The following PAK3 variants were observed in gnomAD, a reference collection of about 807,000 sequenced individuals.
PAK3 encodes the protein serine/threonine-protein kinase PAK 3.
In PAK3, 4 loss-of-function variants were observed where a neutral mutation model predicts 41.0. The ratio of observed to expected loss-of-function variants is 0.10; its 90% CI spans 0.05 to 0.22. PAK3 has a LOEUF of 0.22. Among genes scored for constraint, PAK3 ranks in the 10% least tolerant of loss-of-function variants. The pLI is 1.00. For synonymous variants in PAK3, 146 were observed against 139.6 expected, an observed-to-expected ratio of 1.05 and a Z score of -0.32; for missense variants, 205 against 409.9, an observed-to-expected ratio of 0.50 and a Z score of 4.32.
At position 111,221,664 on chromosome X, in the gene PAK3, CTG is replaced by C. The variant is rs983628415; in HGVS notation, c.*1219_*1220del. 1.8e-5 allele frequency: 2 copies of C among 111,816 alleles called. No individual in the cohort carries two copies. The highest frequency in any genetic ancestry group is 3.8e-5 in the Non-Finnish European group (2 of 53,074). The allele number at this position is 111,816 out of a possible 1,213,427, so 9.2% of individuals were successfully genotyped here. A position where few individuals can be genotyped will look rare whatever the true frequency, so the allele number is the denominator to read the frequency against. On this transcript the variant is annotated 3_prime_UTR_variant, in exon 18 of 18. Coordinates refer to ENST00000372007, the MANE Select transcript of PAK3 (RefSeq NM_002578.5). ...AAGGTGATATAGTAAACATTCAACT[CTG>C]TAAGAAATGGGAGGTCAGTGAAGGC...
intron 4 of PAK3, among the ~76,000 whole-genome samples, chrX:111,106,295 C>A (rs1482419968): frequency 8.9e-6 from 1 of 112,221 alleles, no homozygotes; most frequent in African/African-American, 3.2e-5. Flanking sequence ...TTCATGCTAG[C>A]ACATACCACA....
chrX:111,023,763 G>A (rs2092228266), intron 1 of PAK3, among the ~76,000 whole-genome samples: 2 of 111,797 alleles, frequency 1.8e-5, no homozygotes, highest in Admixed American at 1.9e-4. Context: ...TTGTAAATGT[G>A]TTTAAATTCT....
Position 111,081,598 on chromosome X carries a change from C to T in PAK3, c.-27-41479C>T, listed in dbSNP as rs1373717237. 9.9e-5 allele frequency among the ~76,000 whole-genome samples: 11 copies of T among 110,832 alleles called. No individual in the cohort carries two copies. The Admixed American group carries it at 1.1e-3, about 11-fold the overall frequency. ...AATTGCTAAGACAGTAGATTTTTAA[C>T]TGTTCTTACTATAAAAAAAAGATAA... On this transcript the variant is annotated intron_variant, in intron 1 of 14. Coordinates refer to the PAK3 transcript ENST00000425146.
intron 11 of PAK3, among the ~76,000 whole-genome samples, chrX:111,182,224 G>A (rs906308644): frequency 3.6e-5 from 4 of 111,053 alleles, no homozygotes; most frequent in African/African-American, 1.3e-4. Context: ...TAATGTTGGA[G>A]TGAGTAGCCG....
chrX:111,102,659 C>G (rs188761075), intron 3 of PAK3, among the ~76,000 whole-genome samples: 104 of 112,621 alleles, frequency 9.2e-4, no homozygotes, highest in African/African-American at 3.2e-3. Flanking sequence ...CATTGTCTCT[C>G]AGTTTCCTTT....
intron 8 of PAK3, among the ~76,000 whole-genome samples, chrX:111,154,048 GT>G (rs770559561): frequency 5.4e-5 from 6 of 111,958 alleles, no homozygotes; most frequent in Admixed American, 9.5e-5. Flanking sequence ...TCTCAAAAGG[GT>G]ATATACTGTA....
intron 1 of PAK3, among the ~76,000 whole-genome samples, chrX:111,018,103 C>CAT (rs2092118547): frequency 1.8e-5 from 2 of 110,511 alleles, no homozygotes; most frequent in Non-Finnish European, 3.8e-5. Flanking sequence ...ATAATAAGGC[C>CAT]ATATATGAAA....
intron 1 of PAK3, among the ~76,000 whole-genome samples, chrX:111,008,445 G>T (rs1200770962): frequency 8.9e-6 from 1 of 112,909 alleles, no homozygotes; most frequent in Non-Finnish European, 1.9e-5. Context: ...GCCTCCTCCA[G>T]TAGACCCTCT....
At chrX:110,973,681 A>C (rs1263473848) in intron 1 of PAK3, among the ~76,000 whole-genome samples, 2 of 112,196 alleles carry the variant, frequency 1.8e-5, no homozygotes, top group Non-Finnish European at 3.8e-5. Flanking sequence ...ACCAGCGAAC[A>C]TCATAATGAC....
At chrX:111,148,272 T>C (rs148216796) in intron 7 of PAK3, among the ~76,000 whole-genome samples, 1,762 of 111,934 alleles carry the variant, frequency 0.016, 24 homozygotes, top group African/African-American at 0.054. Flanking sequence ...GATTCATTGA[T>C]TTACACCATG....
At chrX:111,038,385 C>T (rs2092420893) in intron 1 of PAK3, among the ~76,000 whole-genome samples, 2 of 112,165 alleles carry the variant, frequency 1.8e-5, no homozygotes, top group African/African-American at 6.5e-5. Context: ...ATCCTCTGCT[C>T]ACCTGGGCTG....
intron 1 of PAK3, among the ~76,000 whole-genome samples, chrX:111,053,306 C>T (rs184295736): frequency 8.3e-4 from 93 of 111,411 alleles, no homozygotes; most frequent in Non-Finnish European, 1.6e-3. Flanking sequence ...TTTTTGTCAG[C>T]TTGCTACCAG....
At chrX:111,153,517 C>A (rs980120200) in intron 8 of PAK3, among the ~76,000 whole-genome samples, 4 of 111,908 alleles carry the variant, frequency 3.6e-5, no homozygotes, top group African/African-American at 1.3e-4. Flanking sequence ...TTACTTCCTG[C>A]CTCATTTGTT....
At chrX:111,108,070 GTATGAGGC>G (rs2093306203) in intron 4 of PAK3, among the ~76,000 whole-genome samples, 1 of 112,139 alleles carries the variant, frequency 8.9e-6, no homozygotes, top group Non-Finnish European at 1.9e-5. Flanking sequence ...TGAAACAGTA[GTATGAGGC>G]AACAGTCTGG....
chrX:110,948,876 G>A (rs919487398), intron 1 of PAK3, among the ~76,000 whole-genome samples: 1 of 112,522 alleles, frequency 8.9e-6, no homozygotes, highest in African/African-American at 3.2e-5. Flanking sequence ...CCAGAGTGAA[G>A]TTATTCGCTG....
intron 1 of PAK3, among the ~76,000 whole-genome samples, chrX:111,004,242 G>C (rs186206120): frequency 8.9e-6 from 1 of 111,837 alleles, no homozygotes; most frequent in East Asian, 2.8e-4. Flanking sequence ...GAAGGCAGGG[G>C]ATATGCGTAG....
intron 1 of PAK3, among the ~76,000 whole-genome samples, chrX:111,083,317 A>G (rs951163609): frequency 1.4e-4 from 16 of 112,087 alleles, no homozygotes; most frequent in Non-Finnish European, 2.6e-4. Flanking sequence ...GTTGGCTCAC[A>G]TTTCCTAAGT....
intron 11 of PAK3, among the ~76,000 whole-genome samples, chrX:111,187,137 AG>A (rs1310381496): frequency 8.9e-6 from 1 of 112,315 alleles, no homozygotes; most frequent in African/African-American, 3.2e-5. Context: ...TGCTAATTAA[AG>A]CTTTTAATCA....
Position 111,123,131 on chromosome X carries a change from A to G in PAK3, c.28A>G (p.Lys10Glu). MSDGLDNEE[K>E]PPAPPLRMNS... is the part of the protein sequence containing the mutation. ...GTCTGACGGTCTGGATAATGAAGAG[A>G]AACCCCCGGCTCCTCCACTGAGGAT... The change falls in exon 5 of 18, where the codon AAA (lysine) becomes GAA (glutamate). Residue 10 changes from lysine to glutamate, a missense_variant. Physicochemically the swap from Lys to Glu is moderately conservative, Grantham distance 56 (BLOSUM62 1). Transcript: ENST00000372007. 1 of 1,207,437 alleles carries G rather than the reference A, an allele frequency of 8.3e-7. No homozygotes were observed. The highest frequency in any genetic ancestry group is 1.8e-5 in the South Asian group (1 of 56,867).
Sources: allele counts gnomAD v4.1 joint callset (sites outside exome capture counted in the v4.1 genomes callset), GRCh38; gene constraint gnomAD v4.1.1; transcripts MANE v1.5; gene names NCBI Gene and HGNC (gene_info 2026-07-23, HGNC 2026-07-21).